PADI2: variants seen among roughly 807,000 people sequenced by gnomAD.
PADI2 encodes protein-arginine deiminase type-2.
A neutral mutation model predicts 81.1 loss-of-function variants in PADI2; 70 were observed. The ratio of observed to expected loss-of-function variants is 0.86; its 90% CI spans 0.71 to 1.05. The LOEUF is 1.05. PADI2 is among the 50% of genes least tolerant of loss of function. The pLI is 0.00. For synonymous variants in PADI2, 338 were observed against 358.0 expected, an observed-to-expected ratio of 0.94 and a Z score of 0.63; for missense variants, 853 against 889.9, an observed-to-expected ratio of 0.96 and a Z score of 0.53.
At chr1:17,071,370 G>C in intron 14 of PADI2, 36 bp downstream of exon 14, 4 of 1,497,514 alleles carry the variant, frequency 2.7e-6, no homozygotes, top group Non-Finnish European at 3.7e-6. Flanking sequence ...TCCCTCCCAG[G>C]GGCCCTCTGG....
At chr1:17,078,134 G>A (rs539142192) in intron 11 of PADI2, among the ~76,000 whole-genome samples, 9 of 152,132 alleles carry the variant, frequency 5.9e-5, no homozygotes, top group Middle Eastern at 3.4e-3. Context: ...TTTTTGAGAC[G>A]CAGTTTCACT....
chr1:17,092,714 T>G (rs565307415), intron 5 of PADI2, among the ~76,000 whole-genome samples, 181 bp from the exon 6 acceptor site: 2 of 151,624 alleles, frequency 1.3e-5, no homozygotes, highest in African/African-American at 2.4e-5. Context: ...TTTGGGAGGT[T>G]GAGGTGGGTG....
chr1:17,089,875 C>T (rs1362316072), intron 6 of PADI2, among the ~76,000 whole-genome samples: 1 of 152,074 alleles, frequency 6.6e-6, no homozygotes, highest in Non-Finnish European at 1.5e-5. Flanking sequence ...ACGTGGTTTG[C>T]CTTAACCTTT....
At chr1:17,113,989 A>G (rs1023705405) in intron 1 of PADI2, among the ~76,000 whole-genome samples, 20 of 152,110 alleles carry the variant, frequency 1.3e-4, no homozygotes, top group Non-Finnish European at 2.5e-4. Context: ...TCCTTAGAAC[A>G]CTCCCAACCC....
chr1:17,084,774 C>A, intron 7 of PADI2, 72 bp from the exon 8 acceptor site: 2 of 876,058 alleles, frequency 2.3e-6, no homozygotes. Context: ...CCTTTCAAAG[C>A]GGGTGAAACT....
chr1:17,072,634 A>T (rs1016654576), intron 13 of PADI2, among the ~76,000 whole-genome samples: 1 of 152,140 alleles, frequency 6.6e-6, no homozygotes, highest in African/African-American at 2.4e-5. Flanking sequence ...TCCCAATTAC[A>T]TGAATGTCTA....
intron 1 of PADI2, among the ~76,000 whole-genome samples, chr1:17,117,987 A>G (rs1365439882): frequency 6.6e-6 from 1 of 152,164 alleles, no homozygotes; most frequent in Admixed American, 6.5e-5. Flanking sequence ...GCCCAGGGGA[A>G]GGCAGAGGTT....
At chr1:17,077,453 G>A (rs927633106) in intron 11 of PADI2, among the ~76,000 whole-genome samples, 1 of 152,148 alleles carries the variant, frequency 6.6e-6, no homozygotes, top group Non-Finnish European at 1.5e-5. Context: ...AGCTCCTCGA[G>A]GGGGTTCAGG....
At chr1:17,089,103 C>T (rs990706568) in intron 6 of PADI2, among the ~76,000 whole-genome samples, 10 of 151,900 alleles carry the variant, frequency 6.6e-5, no homozygotes, top group African/African-American at 1.2e-4. Flanking sequence ...ACCTGTATTA[C>T]GAGGATGTGA....
chr1:17,083,204 G>C (rs1322740631), intron 9 of PADI2: 1 of 157,124 alleles, frequency 6.4e-6, no homozygotes, highest in Non-Finnish European at 1.4e-5. Context: ...CAATAACCAG[G>C]CGTGGTGGTG....
Position 17,079,400 on chromosome 1 carries a change from A to T in PADI2, c.1174T>A (p.Tyr392Asn). Residue 392 changes from tyrosine (Y) to asparagine (N), a missense_variant, in exon 11 of 16, where the codon TAC becomes AAC. Physicochemically the swap from Tyr to Asn is moderately radical, Grantham distance 143. Coordinates refer to ENST00000375486, the MANE Select transcript of PADI2 (RefSeq NM_007365.3). The stretch of plus-strand genomic sequence containing the variant: ...TCAAAGAGGGGCTCCCGGGTCACGT[A>T]GCCAAAATCTGGGCCCTAGGCAGAG... ...VKELLGPDFGYVTREPLFESV... is the reference protein window; with the variant it reads ...VKELLGPDFGNVTREPLFESV... 6.2e-7 allele frequency: 1 copy of T among 1,614,010 alleles called. No homozygotes were observed. Among genetic ancestry groups the T allele is most frequent in the Non-Finnish European group, 8.5e-7 (1 of 1,179,914 alleles).
rs1279186083 is a variant in PADI2 at position 17,097,168 on chromosome 1, C to T, written c.350-1198G>A. 2.6e-5 allele frequency among the ~76,000 whole-genome samples: 4 copies of T among 152,194 alleles called. No individual in the cohort carries two copies. In the South Asian group the frequency reaches 8.3e-4, roughly 32 times the overall value. The stretch of plus-strand genomic sequence containing the variant: ...TGGGCTCATCTCACGCTGAGCATGA[C>T]TTGGACCTGGTGGGCGCTGGGTGGT... On this transcript the variant is annotated intron_variant, in intron 3 of 15. Coordinates refer to ENST00000375486, the MANE Select transcript of PADI2 (RefSeq NM_007365.3).
At chr1:17,098,984 T>G (rs553781213) in intron 3 of PADI2, among the ~76,000 whole-genome samples, 66 of 152,252 alleles carry the variant, frequency 4.3e-4, no homozygotes, top group Middle Eastern at 3.4e-3. Context: ...CAGACGACAT[T>G]TCCCAGAGGC....
At chr1:17,107,396 C>T (rs777563627) in intron 1 of PADI2, among the ~76,000 whole-genome samples, 6 of 152,128 alleles carry the variant, frequency 3.9e-5, no homozygotes, top group Non-Finnish European at 5.9e-5. Context: ...AAACAGTGGC[C>T]AGGGTTGAAT....
intron 4 of PADI2, among the ~76,000 whole-genome samples, chr1:17,094,283 C>G (rs1930823962): frequency 6.6e-6 from 1 of 152,216 alleles, no homozygotes; most frequent in Non-Finnish European, 1.5e-5. Context: ...TCTGTCTCAT[C>G]TCCTCCGCCT....
At chr1:17,112,932 T>G (rs1444252555) in intron 1 of PADI2, among the ~76,000 whole-genome samples, 1 of 152,204 alleles carries the variant, frequency 6.6e-6, no homozygotes, top group African/African-American at 2.4e-5. Context: ...CTGTGCCCTT[T>G]CTGTCTCTGT....
chr1:17,084,250 A>G (rs1156359540), intron 8 of PADI2, among the ~76,000 whole-genome samples: 1 of 152,176 alleles, frequency 6.6e-6, no homozygotes, highest in Non-Finnish European at 1.5e-5. Flanking sequence ...GACCTAGCTC[A>G]TAATAGGTGG....
chr1:17,089,521 G>C (rs1319860188), intron 6 of PADI2, among the ~76,000 whole-genome samples: 2 of 152,308 alleles, frequency 1.3e-5, no homozygotes, highest in East Asian at 3.9e-4. Flanking sequence ...ATCTGGCCAG[G>C]GGTGGTGGGG....
intron 6 of PADI2, among the ~76,000 whole-genome samples, chr1:17,090,684 C>T (rs1363504630): frequency 1.3e-5 from 2 of 151,530 alleles, no homozygotes; most frequent in African/African-American, 2.4e-5. Flanking sequence ...TGGGTCCCCA[C>T]TGTCTCAGTC....
Sources: allele counts gnomAD v4.1 joint callset (sites outside exome capture counted in the v4.1 genomes callset), GRCh38; gene constraint gnomAD v4.1.1; transcripts MANE v1.5; gene names NCBI Gene and HGNC (gene_info 2026-07-23, HGNC 2026-07-21).